RBMS3: variants seen among roughly 807,000 people sequenced by gnomAD.
RBMS3 encodes RNA-binding motif, single-stranded-interacting protein 3.
RBMS3 carries 27 observed loss-of-function variants against 66.8 expected under a neutral mutation model. The ratio of observed to expected loss-of-function variants is 0.40; its 90% CI spans 0.30 to 0.56. RBMS3 has a LOEUF of 0.56. Ranked by LOEUF, RBMS3 falls within the 20% of genes least tolerant of loss-of-function variation. The pLI is 0.40. For synonymous variants in RBMS3, 188 were observed against 183.0 expected (o/e 1.03, Z -0.22); for missense variants, 513 against 549.5 (o/e 0.93, Z 0.66).
intron 2 of RBMS3, among the ~76,000 whole-genome samples, chr3:29,471,944 T>C (rs2042743183): frequency 6.6e-6 from 1 of 152,154 alleles, no homozygotes; most frequent in Non-Finnish European, 1.5e-5. Context: ...GGGAGAATGA[T>C]GAATAGAAAG....
intron 10 of RBMS3, among the ~76,000 whole-genome samples, chr3:29,904,135 C>T (rs769050951): frequency 6.6e-6 from 1 of 151,916 alleles, no homozygotes; most frequent in Non-Finnish European, 1.5e-5. Flanking sequence ...TTAAATATAA[C>T]TTCAAAATTT....
At chr3:29,898,403 C>A (rs2149604973) in intron 9 of RBMS3, among the ~76,000 whole-genome samples, 1 of 151,648 alleles carries the variant, frequency 6.6e-6, no homozygotes, top group African/African-American at 2.4e-5. Context: ...ATGAGTAAAA[C>A]TGTAATGATA....
intron 1 of RBMS3, among the ~76,000 whole-genome samples, chr3:29,340,483 C>G (rs1011307605): frequency 6.6e-6 from 1 of 152,152 alleles, no homozygotes; most frequent in South Asian, 2.1e-4. Context: ...TGAATACCCT[C>G]TCTAGTTGCC....
intron 3 of RBMS3, among the ~76,000 whole-genome samples, chr3:29,539,013 A>C (rs1431029668): frequency 6.6e-6 from 1 of 152,188 alleles, no homozygotes; most frequent in African/African-American, 2.4e-5. Context: ...CCTTCTTGTC[A>C]CTAATTTCAA....
chr3:29,813,109 CG>C (rs1210121958), intron 6 of RBMS3, among the ~76,000 whole-genome samples: 8 of 151,942 alleles, frequency 5.3e-5, no homozygotes, highest in African/African-American at 1.9e-4. Flanking sequence ...ATGATGTTTC[CG>C]GTTTTCTATA....
intron 1 of RBMS3, among the ~76,000 whole-genome samples, chr3:29,382,742 T>C (rs1275400804): frequency 1.3e-5 from 2 of 152,210 alleles, no homozygotes; most frequent in Non-Finnish European, 2.9e-5. Flanking sequence ...TTTTCGTTTA[T>C]ATCCCCTTTC....
intron 10 of RBMS3, among the ~76,000 whole-genome samples, chr3:29,901,093 A>G (rs879353755): frequency 1.2e-4 from 18 of 151,746 alleles, no homozygotes; most frequent in East Asian, 1.9e-4. Context: ...CCCTTTATTT[A>G]CTATTATTTA....
intron 6 of RBMS3, among the ~76,000 whole-genome samples, chr3:29,838,238 C>T (rs1305578684): frequency 1.3e-5 from 2 of 150,008 alleles, no homozygotes; most frequent in Non-Finnish European, 3.0e-5. Flanking sequence ...ACTGAGGAGG[C>T]CAGGGTGGGA....
intron 3 of RBMS3, among the ~76,000 whole-genome samples, chr3:29,552,093 T>C (rs1423043499): frequency 3.9e-5 from 6 of 152,182 alleles, no homozygotes; most frequent in Admixed American, 3.3e-4. Flanking sequence ...GATTAATTGA[T>C]GGAGTTCTGA....
chr3:29,808,970 A>G (rs2057643265), intron 6 of RBMS3, among the ~76,000 whole-genome samples: 1 of 151,956 alleles, frequency 6.6e-6, no homozygotes, highest in Non-Finnish European at 1.5e-5. Flanking sequence ...TCAGTGAGGA[A>G]ACATTGATCC....
chr3:29,473,000 G>C (rs35190947), intron 2 of RBMS3, among the ~76,000 whole-genome samples: 1 of 80,864 alleles, frequency 1.2e-5, no homozygotes, highest in African/African-American at 5.5e-5. Flanking sequence ...TAGACACAAA[G>C]GTTCTCCACG....
intron 4 of RBMS3, among the ~76,000 whole-genome samples, chr3:29,695,702 A>G (rs2052240137): frequency 6.6e-6 from 1 of 152,196 alleles, no homozygotes; most frequent in Admixed American, 6.5e-5. Context: ...GCTAACTTTT[A>G]CTAACAGATA....
intron 6 of RBMS3, among the ~76,000 whole-genome samples, chr3:29,777,027 C>T (rs1433691874): frequency 6.6e-6 from 1 of 151,888 alleles, no homozygotes; most frequent in African/African-American, 2.4e-5. Flanking sequence ...TAGTCATACA[C>T]AAATTTGTAT....
At chr3:29,645,779 A>T (rs2049898754) in intron 4 of RBMS3, among the ~76,000 whole-genome samples, 1 of 152,208 alleles carries the variant, frequency 6.6e-6, no homozygotes, top group African/African-American at 2.4e-5. Context: ...TGCAGCATGG[A>T]TGTCATACAT....
intron 4 of RBMS3, among the ~76,000 whole-genome samples, chr3:29,694,417 C>T (rs897829656): frequency 2.6e-5 from 4 of 152,136 alleles, no homozygotes; most frequent in Admixed American, 6.5e-5. Flanking sequence ...TACAATTGTT[C>T]GTCATAAGAG....
At chr3:29,885,310 T>A (rs1159318868) in intron 8 of RBMS3, among the ~76,000 whole-genome samples, 1 of 151,876 alleles carries the variant, frequency 6.6e-6, no homozygotes, top group Non-Finnish European at 1.5e-5. Context: ...CCTCTAGAAG[T>A]GAAAATTAAG....
chr3:29,471,720 T>C (rs1253938018), intron 2 of RBMS3, among the ~76,000 whole-genome samples: 2 of 99,172 alleles, frequency 2.0e-5, no homozygotes, highest in Non-Finnish European at 4.6e-5. Flanking sequence ...AGGACTTAGT[T>C]TTTTTTTTTT....
intron 4 of RBMS3, among the ~76,000 whole-genome samples, chr3:29,648,770 C>T (rs887345532): frequency 6.6e-6 from 1 of 152,050 alleles, no homozygotes; most frequent in East Asian, 1.9e-4. Context: ...AAAAAGCTTA[C>T]CCCCGTCACT....
intron 4 of RBMS3, among the ~76,000 whole-genome samples, chr3:29,702,362 C>T (rs960271260): frequency 1.3e-5 from 2 of 152,144 alleles, no homozygotes; most frequent in Non-Finnish European, 2.9e-5. Context: ...TCAAAACAGA[C>T]CAATCAGCTC....
Sources: allele counts gnomAD v4.1 joint callset (sites outside exome capture counted in the v4.1 genomes callset), GRCh38; gene constraint gnomAD v4.1.1; transcripts MANE v1.5; gene names NCBI Gene and HGNC (gene_info 2026-07-23, HGNC 2026-07-21).